Variants in STOML3 observed in about 807,000 individuals in gnomAD.
The protein encoded by STOML3 is stomatin like 3, also known as stomatin-like protein 3.
In STOML3, 31 loss-of-function variants were observed where a neutral mutation model predicts 29.5. The ratio of observed to expected loss-of-function variants is 1.05; its 90% CI spans 0.79 to 1.42. The LOEUF (loss-of-function observed/expected upper bound fraction) is 1.42, where lower values mean the gene tolerates loss of function less well. Ranked by LOEUF, STOML3 falls within the 40% of genes most tolerant of loss-of-function variation. The probability of loss-of-function intolerance (pLI) is 0.00; values close to 1 mark genes in which losing one functional copy is unlikely to be tolerated. For missense variants in STOML3, 380 were observed against 363.0 expected (o/e 1.05, Z -0.38); for synonymous variants, 122 against 139.8 (o/e 0.87, Z 0.90).
At chr13:38,981,316 G>A (rs1881260665) in intron 1 of STOML3, among the ~76,000 whole-genome samples, 1 of 152,106 alleles carries the variant, frequency 6.6e-6, no homozygotes, top group African/African-American at 2.4e-5. Flanking sequence ...ATTATTCCTG[G>A]TGCTTAGATA....
intron 1 of STOML3, among the ~76,000 whole-genome samples, chr13:38,988,095 G>GTTATATTTTATATCATATATTTTATATA (rs1453472257): frequency 2.3e-5 from 1 of 44,146 alleles, no homozygotes; most frequent in African/African-American, 1.5e-4. Flanking sequence ...TATATAATAT[G>GTTATATTTTATATCATATATTTTATATA]TTATATTTTA....
rs1326831111 is a variant in STOML3, at chr13:38,988,031, T to A, written c.52+2639A>T. On this transcript the variant is annotated intron_variant, in intron 1 of 6. Transcript: ENST00000379631. The stretch of plus-strand genomic sequence containing the variant: ...TATATTTTATATATAATATATTATA[T>A]TTTATATCATATATTTTATATATAA... Among the ~76,000 whole-genome samples, 5 of 110,378 alleles carry A rather than the reference T, an allele frequency of 4.5e-5. No individual in the cohort carries two copies. The Admixed American group carries it at 6.6e-4, about 14-fold the overall frequency. 72.4% of individuals were successfully genotyped at this position (110,378 alleles called of 152,430 possible).
chr13:38,986,407 T>C (rs569902084), intron 1 of STOML3, among the ~76,000 whole-genome samples: 1 of 152,272 alleles, frequency 6.6e-6, no homozygotes, highest in Admixed American at 6.5e-5. Context: ...TGCTTTGTGT[T>C]ATCAAAGCAG....
chr13:38,979,418 A>ACTTTTATCT lies in STOML3; in HGVS notation c.53-2622_53-2621insAGATAAAAG, dbSNP rs546365193. 3.2e-3 allele frequency among the ~76,000 whole-genome samples: 485 copies of ACTTTTATCT among 152,330 alleles called. 1 individual carries two copies. Among genetic ancestry groups the ACTTTTATCT allele is most frequent in the Admixed American group, 5.6e-3 (85 of 15,306 alleles). On this transcript the variant is annotated intron_variant, in intron 1 of 6. Coordinates refer to ENST00000379631, the MANE Select transcript of STOML3 (RefSeq NM_145286.3). The stretch of plus-strand genomic sequence containing the variant: ...TCCTCAGTCCCACTTTTATCTAGAG[A>ACTTTTATCT]AGTTCTGTAGTTACCGGTTTGGTGT...
intron 1 of STOML3, among the ~76,000 whole-genome samples, chr13:38,984,632 C>G (rs954322283): frequency 6.6e-6 from 1 of 152,164 alleles, no homozygotes; most frequent in African/African-American, 2.4e-5. Context: ...AGGCTGTACC[C>G]TATAGCCCAG....
chr13:38,972,470 T>C (rs1197349039), intron 4 of STOML3, 42 bp downstream of exon 4: 9 of 1,573,592 alleles, frequency 5.7e-6, no homozygotes, highest in Non-Finnish European at 7.8e-6. Flanking sequence ...ATAGAGAAAA[T>C]ACAAGTTTAA....
Position 38,967,018 on chromosome 13 carries a change from G to A in STOML3, c.683C>T (p.Ser228Phe), listed in dbSNP as rs763369857. 1.9e-6 allele frequency: 3 copies of A among 1,613,906 alleles called. No homozygotes were observed. Among genetic ancestry groups the A allele is most frequent in the Non-Finnish European group, 2.5e-6 (3 of 1,179,926 alleles). Residue 228 changes from serine to phenylalanine, a missense_variant, in exon 7 of 7, where the codon TCC becomes TTC. By Grantham distance (155) the Ser-to-Phe change is radical. Coordinates refer to ENST00000379631, the MANE Select transcript of STOML3 (RefSeq NM_145286.3). Reference protein sequence around the residue: ...VLAAEGEMNASKSLKSASMVL... With the variant: ...VLAAEGEMNAFKSLKSASMVL... ...CATGGAGGCTGACTTCAGGGATTTGGAAGCATTCATTTCTCCTTCAGCTGC... is the reference window on the plus strand; with the variant it reads ...CATGGAGGCTGACTTCAGGGATTTGAAAGCATTCATTTCTCCTTCAGCTGC...
rs146739669 is a variant in STOML3 at position 38,966,476 on chromosome 13, T to C, written c.*349A>G. On this transcript the variant is annotated 3_prime_UTR_variant, in exon 7 of 7. Transcript: ENST00000379631. Reference sequence around the variant, plus strand: ...CTCTATAAATTATCTGGAGTGCTTTTTAAAACAATTAAAAAGTAATTCTGA... The same window carrying C: ...CTCTATAAATTATCTGGAGTGCTTTCTAAAACAATTAAAAAGTAATTCTGA... 4.7e-3 allele frequency: 821 copies of C among 175,206 alleles called. 8 individuals are homozygous for C. Among genetic ancestry groups the C allele is most frequent in the African/African-American group, 0.019 (785 of 42,230 alleles). 10.9% of individuals were successfully genotyped at this position (175,206 alleles called of 1,614,324 possible).
intron 1 of STOML3, among the ~76,000 whole-genome samples, chr13:38,989,640 GC>G (rs758777262): frequency 3.3e-5 from 5 of 151,846 alleles, no homozygotes; most frequent in Non-Finnish European, 5.9e-5. Context: ...TTAGCCACAG[GC>G]ATGTGCCACC....
intron 1 of STOML3, among the ~76,000 whole-genome samples, chr13:38,981,476 T>C (rs1333199565): frequency 6.6e-6 from 1 of 152,164 alleles, no homozygotes; most frequent in Non-Finnish European, 1.5e-5. Flanking sequence ...AGAAATGAAT[T>C]ATAGTAAATA....
intron 1 of STOML3, chr13:38,979,948 C>T: frequency 8.8e-7 from 1 of 1,141,516 alleles, no homozygotes; most frequent in Non-Finnish European, 1.3e-6. Context: ...AGGACACCAG[C>T]TGTGCTTAAT....
intron 4 of STOML3, among the ~76,000 whole-genome samples, chr13:38,972,264 T>C (rs979686842): frequency 1.3e-5 from 2 of 152,190 alleles, no homozygotes; most frequent in African/African-American, 4.8e-5. Context: ...CTGTCAGGCT[T>C]TCTCACACCA....
rs764963317 is a variant in STOML3, at chr13:38,968,523, A to C, written c.528T>G (p.Asp176Glu). 2 of 1,614,078 alleles carry C rather than the reference A, an allele frequency of 1.2e-6. No individual in the cohort carries two copies. Among genetic ancestry groups the C allele is most frequent in the African/African-American group, 2.7e-5 (2 of 74,938 alleles). Residue 176 changes from aspartate (D) to glutamate (E), a missense_variant, in exon 6 of 7, where the codon GAT becomes GAG. Coordinates refer to ENST00000379631, the MANE Select transcript of STOML3 (RefSeq NM_145286.3). ...GGATCCCCCACAGTTCGGTGGCATC[A>C]TCAAGTAAAGTCTGTTTCCAAATTA... ...EIAHSIQTLL[D>E]DATELWGIRV...
At chr13:38,985,933 T>TG (rs1868511051) in intron 1 of STOML3, among the ~76,000 whole-genome samples, 1 of 139,808 alleles carries the variant, frequency 7.2e-6, no homozygotes, top group African/African-American at 2.7e-5. Flanking sequence ...TTTTTTTTTT[T>TG]GTTTGAGAGA....
intron 6 of STOML3, 60 bp from the exon 7 acceptor site, chr13:38,967,109 C>A: frequency 6.7e-7 from 1 of 1,491,760 alleles, no homozygotes; most frequent in Non-Finnish European, 9.1e-7. Flanking sequence ...CTAGTTCTTT[C>A]TTTTTCTGGG....
chr13:38,968,532 A>C lies in STOML3; in HGVS notation c.519T>G (p.Thr173=), dbSNP rs1464843189. 6.2e-7 allele frequency: 1 copy of C among 1,614,128 alleles called. No individual in the cohort carries two copies. The highest frequency in any genetic ancestry group is 1.1e-5 in the South Asian group (1 of 91,078). ...GREEIAHSIQ[T]LLDDATELWG... ...ACAGTTCGGTGGCATCATCAAGTAA[A>C]GTCTGTTTCCAAATTAAAAGGGAAG... is the stretch of plus-strand genomic sequence containing the variant. The change falls in exon 6 of 7, where the codon ACT becomes ACG. Residue 173 remains threonine, a splice_region_variant and synonymous_variant. Coordinates refer to ENST00000379631, the MANE Select transcript of STOML3 (RefSeq NM_145286.3).
chr13:38,972,609 A>G lies in STOML3; in HGVS notation c.230-15T>C. On this transcript the variant is annotated splice_polypyrimidine_tract_variant and intron_variant, in intron 3 of 6. Coordinates refer to ENST00000379631, the MANE Select transcript of STOML3 (RefSeq NM_145286.3). ...CAGGATCAAACCTATGAGAGAAAAA[A>G]TCAGTTTAAAATGTTGCTCTGTTGA... The G allele has an allele frequency of 6.2e-7, 1 of 1,612,778 alleles. No individual in the cohort carries two copies. Among genetic ancestry groups the G allele is most frequent in the South Asian group, 1.1e-5 (1 of 90,980 alleles).
At chr13:38,988,479 TTTTATATCATATATTTTATATATAA>T (rs1157853288) in intron 1 of STOML3, among the ~76,000 whole-genome samples, 1,718 of 113,272 alleles carry the variant, frequency 0.015, 1 homozygote, top group East Asian at 0.023. Flanking sequence ...ATATAATATA[TTTTATATCATATATTTTATATATAA>T]TATATTTTAT....
chr13:38,990,828 G>T lies in STOML3; in HGVS notation c.-107C>A, dbSNP rs1167127487. The T allele has an allele frequency of 2.1e-6, 2 of 939,886 alleles. No homozygotes were observed. The highest frequency in any genetic ancestry group is 3.3e-6 in the Non-Finnish European group (2 of 598,846). 58.2% of individuals were successfully genotyped at this position (939,886 alleles called of 1,614,324 possible). On this transcript the variant is annotated 5_prime_UTR_variant, in exon 1 of 7. Transcript: ENST00000379631. ...TGCTTGGGAGAGGGGAGAGGAGAAA[G>T]TATGAGAGAGTGAAAGACATTCCTT...
Sources: gnomAD v4.1 joint callset for allele counts (sites outside exome capture counted in the v4.1 genomes callset) on GRCh38, gnomAD v4.1.1 for gene constraint, MANE v1.5 for transcripts, NCBI Gene and HGNC (gene_info 2026-07-23, HGNC 2026-07-21) for gene names.